Variants in HTR4 observed in about 807,000 individuals in gnomAD.
HTR4 encodes the protein 5-hydroxytryptamine receptor 4.
In HTR4, 16 loss-of-function variants were observed where a neutral mutation model predicts 36.8. That is an observed-to-expected ratio of 0.43 (90% CI 0.29 to 0.66). HTR4 has a LOEUF of 0.66. Among genes scored for constraint, HTR4 ranks in the 30% least tolerant of loss-of-function variants. The probability of loss-of-function intolerance (pLI) is 0.13; values close to 1 mark genes in which losing one functional copy is unlikely to be tolerated. For synonymous variants in HTR4, 189 were observed against 185.1 expected, an observed-to-expected ratio of 1.02 and a Z score of -0.17; for missense variants, 438 against 490.9, an observed-to-expected ratio of 0.89 and a Z score of 1.02.
intron 2 of HTR4, among the ~76,000 whole-genome samples, chr5:148,568,555 T>C (rs746143617): frequency 1.3e-5 from 2 of 152,098 alleles, no homozygotes; most frequent in Non-Finnish European, 2.9e-5. Context: ...AAATTGTCCA[T>C]GAGCTTAACT....
At chr5:148,458,049 ATAT>A (rs1755158573) in intron 5 of HTR4, among the ~76,000 whole-genome samples, 2 of 134,254 alleles carry the variant, frequency 1.5e-5, no homozygotes, top group African/African-American at 2.6e-5. Flanking sequence ...ATATTAAAAT[ATAT>A]TATATTTTAA....
At chr5:148,509,177 T>G in intron 6 of HTR4, 1 of 356,108 alleles carries the variant, frequency 2.8e-6, no homozygotes, top group Non-Finnish European at 5.1e-6. Context: ...ATTATTATCT[T>G]AAGTTTTTAA....
intron 2 of HTR4, among the ~76,000 whole-genome samples, chr5:148,630,826 A>G (rs1321345184): frequency 6.6e-6 from 1 of 152,150 alleles, no homozygotes; most frequent in Non-Finnish European, 1.5e-5. Context: ...CCATTTTCAG[A>G]CACCAAAACT....
chr5:148,506,697 TCAA>T (rs1757232927), intron 6 of HTR4, among the ~76,000 whole-genome samples: 1 of 151,992 alleles, frequency 6.6e-6, no homozygotes, highest in African/African-American at 2.4e-5. Context: ...AACAACCCCA[TCAA>T]CAAGTGGGTG....
chr5:148,491,319 T>A (rs759475009), intron 6 of HTR4, among the ~76,000 whole-genome samples: 1,869 of 151,500 alleles, frequency 0.012, 17 homozygotes, highest in Middle Eastern at 0.048. Flanking sequence ...TACGGCGCTA[T>A]ATATTTTTTT....
chr5:148,605,305 C>A (rs1180717431), intron 2 of HTR4, among the ~76,000 whole-genome samples: 1 of 133,904 alleles, frequency 7.5e-6, no homozygotes, highest in Non-Finnish European at 1.5e-5. Flanking sequence ...GTCGCCCAGG[C>A]TAGAGTGCAA....
intron 2 of HTR4, among the ~76,000 whole-genome samples, chr5:148,552,100 G>A (rs1036056997): frequency 7.2e-5 from 11 of 152,234 alleles, no homozygotes; most frequent in African/African-American, 2.4e-4. Flanking sequence ...CAAAGTCATG[G>A]CTTTGGCCTT....
intron 5 of HTR4, among the ~76,000 whole-genome samples, chr5:148,451,562 A>G (rs1020052788): frequency 2.6e-5 from 4 of 152,246 alleles, no homozygotes; most frequent in South Asian, 4.1e-4. Context: ...CTTACTGCCA[A>G]CAAAGCCTGG....
At chr5:148,534,435 C>T (rs1315510165) in intron 4 of HTR4, among the ~76,000 whole-genome samples, 2 of 152,212 alleles carry the variant, frequency 1.3e-5, no homozygotes, top group Non-Finnish European at 2.9e-5. Flanking sequence ...CATATCTCCT[C>T]ACCAGGCAGG....
chr5:148,592,558 C>T (rs970410031), intron 2 of HTR4, among the ~76,000 whole-genome samples: 3 of 151,982 alleles, frequency 2.0e-5, no homozygotes, highest in Non-Finnish European at 4.4e-5. Context: ...AATATTTTGT[C>T]TTCTATGTCT....
chr5:148,572,066 T>C (rs1357235751), intron 2 of HTR4, among the ~76,000 whole-genome samples: 1 of 152,102 alleles, frequency 6.6e-6, no homozygotes, highest in Non-Finnish European at 1.5e-5. Context: ...ATTTTGTGGT[T>C]AGCTTGAAAA....
At position 148,481,782 on chromosome 5, in the gene HTR4, G is replaced by A. The variant is rs1280009799; in HGVS notation, c.*1421C>T. Reference sequence around the variant, plus strand: ...TCTGGGTTTGGCATTTACCTTCCCGGGACTTCTGCTATGGGGCATTCGCAA... The same window carrying A: ...TCTGGGTTTGGCATTTACCTTCCCGAGACTTCTGCTATGGGGCATTCGCAA... On this transcript the variant is annotated 3_prime_UTR_variant, in exon 7 of 7. Coordinates refer to ENST00000377888, the MANE Select transcript of HTR4 (RefSeq NM_000870.7). The A allele has an allele frequency of 7.1e-7, 1 of 1,399,746 alleles. No homozygotes were observed. The highest frequency in any genetic ancestry group is 9.2e-7 in the Non-Finnish European group (1 of 1,085,152). 86.7% of individuals were successfully genotyped at this position (1,399,746 alleles called of 1,614,324 possible).
chr5:148,483,736 G>A (rs575409305), intron 6 of HTR4, among the ~76,000 whole-genome samples: 3 of 152,056 alleles, frequency 2.0e-5, no homozygotes, highest in African/African-American at 7.2e-5. Context: ...ACAAATTTTC[G>A]CAGGGAGCCT....
intron 6 of HTR4, among the ~76,000 whole-genome samples, chr5:148,504,932 A>G (rs1757122265): frequency 6.6e-6 from 1 of 152,216 alleles, no homozygotes. Context: ...CACCCTCCCA[A>G]GACTAAACCA....
intron 2 of HTR4, among the ~76,000 whole-genome samples, chr5:148,580,680 T>C (rs1761098093): frequency 6.6e-6 from 1 of 152,178 alleles, no homozygotes; most frequent in Non-Finnish European, 1.5e-5. Context: ...GGTTTATACA[T>C]GTTGCCACAA....
At chr5:148,581,830 A>G (rs1006756959) in intron 2 of HTR4, among the ~76,000 whole-genome samples, 2 of 152,076 alleles carry the variant, frequency 1.3e-5, no homozygotes, top group African/African-American at 4.8e-5. Context: ...GGTCTTTTGC[A>G]GTTGCATGAA....
At chr5:148,494,123 AAAC>A (rs1756576276) in intron 6 of HTR4, among the ~76,000 whole-genome samples, 1 of 152,244 alleles carries the variant, frequency 6.6e-6, no homozygotes, top group Non-Finnish European at 1.5e-5. Flanking sequence ...CACTGTGAAC[AAAC>A]AACTGTTTCA....
chr5:148,470,331 T>C (rs145974304), intron 5 of HTR4, among the ~76,000 whole-genome samples: 3 of 152,290 alleles, frequency 2.0e-5, no homozygotes, highest in Non-Finnish European at 2.9e-5. Context: ...CTACTTGACA[T>C]ATGAGGAAAA....
intron 6 of HTR4, among the ~76,000 whole-genome samples, chr5:148,496,879 A>G (rs1230893264): frequency 6.6e-6 from 1 of 152,218 alleles, no homozygotes; most frequent in African/African-American, 2.4e-5. Flanking sequence ...TCATGTTTAT[A>G]TCTGCTGCAT....
Sources: gnomAD v4.1 joint callset for allele counts (sites outside exome capture counted in the v4.1 genomes callset) on GRCh38, gnomAD v4.1.1 for gene constraint, MANE v1.5 for transcripts, NCBI Gene and HGNC (gene_info 2026-07-23, HGNC 2026-07-21) for gene names.